The following NR2F1-AS1 variants were observed in gnomAD, a reference collection of about 807,000 sequenced individuals.
NR2F1-AS1 encodes NR2F1 regulatory antisense RNA 1.
At chr5:93,485,412 T>G (rs990934783) in intron 4 of NR2F1-AS1, among the ~76,000 whole-genome samples, 1 of 152,040 alleles carries the variant, frequency 6.6e-6, no homozygotes, top group African/African-American at 2.4e-5. Flanking sequence ...TTGAAACCAA[T>G]GAGAACAAAG....
At chr5:93,521,658 A>G (rs932495911) in intron 4 of NR2F1-AS1, among the ~76,000 whole-genome samples, 14 of 152,212 alleles carry the variant, frequency 9.2e-5, no homozygotes, top group South Asian at 4.1e-4. Flanking sequence ...CAAAACCACA[A>G]TGAGATCCCA....
chr5:93,483,462 C>A (rs1238450913), intron 4 of NR2F1-AS1, among the ~76,000 whole-genome samples: 2 of 152,096 alleles, frequency 1.3e-5, no homozygotes, highest in Admixed American at 1.3e-4. Context: ...CATCAAAGAC[C>A]AACAGCAGAT....
Position 93,546,153 on chromosome 5 carries a change from T to C in NR2F1-AS1, n.638+7608A>G, listed in dbSNP as rs958557319. ...TGAATACAGGAATCAGAGAGAAGGT[T>C]TGTAAGGTATCTAGCATATAAGAAG... On this transcript the variant is annotated intron_variant and non_coding_transcript_variant, in intron 4 of 5. Transcript: ENST00000660523. Among the ~76,000 whole-genome samples the C allele has an allele frequency of 8.5e-5, 13 of 152,192 alleles. 1 individual carries two copies. Among genetic ancestry groups the C allele is most frequent in the Admixed American group, 7.9e-4 (12 of 15,274 alleles).
intron 4 of NR2F1-AS1, among the ~76,000 whole-genome samples, chr5:93,412,964 T>C (rs1407550507): frequency 6.6e-6 from 1 of 151,922 alleles, no homozygotes. Flanking sequence ...CAGTCCCTAA[T>C]ACACCTAATC....
intron 4 of NR2F1-AS1, among the ~76,000 whole-genome samples, chr5:93,549,785 T>TA (rs1160248238): frequency 3.9e-5 from 6 of 152,046 alleles, no homozygotes; most frequent in Middle Eastern, 3.4e-3. Flanking sequence ...TATGCAGCCA[T>TA]AAAAAAGGAT....
At chr5:93,450,914 C>CAAAAAAAAAAAAA (rs60895927) in intron 4 of NR2F1-AS1, among the ~76,000 whole-genome samples, 1 of 54,044 alleles carries the variant, frequency 1.9e-5, no homozygotes, top group African/African-American at 5.3e-5. Flanking sequence ...GAATCTGCTT[C>CAAAAAAAAAAAAA]AAAAAAAAAA....
chr5:93,478,296 T>C (rs1415454209), intron 4 of NR2F1-AS1, among the ~76,000 whole-genome samples: 2 of 152,234 alleles, frequency 1.3e-5, no homozygotes, highest in African/African-American at 4.8e-5. Flanking sequence ...AATCTCAGGA[T>C]GGCAATCAAC....
intron 4 of NR2F1-AS1, among the ~76,000 whole-genome samples, chr5:93,537,414 G>T (rs1449515533): frequency 6.6e-6 from 1 of 151,926 alleles, no homozygotes; most frequent in African/African-American, 2.4e-5. Context: ...TTTGCATATT[G>T]TACCTCTGAC....
chr5:93,450,394 T>C (rs879698808), intron 4 of NR2F1-AS1, among the ~76,000 whole-genome samples: 1 of 152,210 alleles, frequency 6.6e-6, no homozygotes, highest in Non-Finnish European at 1.5e-5. Context: ...TATAACATTT[T>C]GAAACACTCT....
chr5:93,453,998 T>TG (rs1394881511), intron 4 of NR2F1-AS1, among the ~76,000 whole-genome samples: 1 of 152,206 alleles, frequency 6.6e-6, no homozygotes, highest in African/African-American at 2.4e-5. Flanking sequence ...ATAAAGGTAC[T>TG]GGGTGCAGTG....
rs186532130 is a variant in NR2F1-AS1 at position 93,578,298 on chromosome 5, C to G, written n.313+2169G>C. On this transcript the variant is annotated intron_variant and non_coding_transcript_variant, in intron 1 of 5. Coordinates refer to ENST00000660523, the Ensembl canonical transcript of NR2F1-AS1. ...GCTTTGTCTGGTATGTCTTTTAAAACGTGATTAACGCTGAGCTTGATGCTA... is the reference window on the plus strand; with the variant it reads ...GCTTTGTCTGGTATGTCTTTTAAAAGGTGATTAACGCTGAGCTTGATGCTA... Among the ~76,000 whole-genome samples, 358 of 152,298 alleles carry G rather than the reference C, an allele frequency of 2.4e-3. 3 individuals are homozygous for G. Among genetic ancestry groups the G allele is most frequent in the African/African-American group, 8.3e-3 (343 of 41,552 alleles).
At chr5:93,511,675 G>A (rs1028439044) in intron 4 of NR2F1-AS1, among the ~76,000 whole-genome samples, 18 of 152,168 alleles carry the variant, frequency 1.2e-4, no homozygotes, top group Non-Finnish European at 1.5e-5. Context: ...TCACCTGTTA[G>A]GAACTGGGCC....
intron 4 of NR2F1-AS1, among the ~76,000 whole-genome samples, chr5:93,461,590 T>C (rs1257808404): frequency 6.6e-6 from 1 of 152,202 alleles, no homozygotes; most frequent in Non-Finnish European, 1.5e-5. Context: ...GTATAATCCT[T>C]GAACATCTGA....
intron 2 of NR2F1-AS1, among the ~76,000 whole-genome samples, chr5:93,561,257 C>A (rs1406039585): frequency 1.4e-5 from 2 of 148,110 alleles, no homozygotes; most frequent in Non-Finnish European, 2.9e-5. Flanking sequence ...AACTCCATCT[C>A]CAAAAAAAAA....
intron 1 of NR2F1-AS1, among the ~76,000 whole-genome samples, chr5:93,568,642 C>T (rs937923430): frequency 1.3e-5 from 2 of 152,124 alleles, no homozygotes; most frequent in African/African-American, 2.4e-5. Flanking sequence ...TAAATAAATG[C>T]TAACTACTCA....
intron 4 of NR2F1-AS1, among the ~76,000 whole-genome samples, chr5:93,451,557 C>T (rs771460268): frequency 1.3e-5 from 2 of 151,990 alleles, no homozygotes; most frequent in East Asian, 3.9e-4. Flanking sequence ...CATGTACCAC[C>T]ACGCCTGGCT....
chr5:93,431,506 T>G (rs1749324110), intron 4 of NR2F1-AS1, among the ~76,000 whole-genome samples: 1 of 152,186 alleles, frequency 6.6e-6, no homozygotes, highest in Non-Finnish European at 1.5e-5. Flanking sequence ...TTTGTCTAGT[T>G]AGAGAAATTT....
intron 4 of NR2F1-AS1, among the ~76,000 whole-genome samples, chr5:93,488,788 C>T (rs141283813): frequency 0.029 from 4,483 of 152,262 alleles, 214 homozygotes; most frequent in African/African-American, 0.1. Flanking sequence ...AATATAAAGA[C>T]ACATGCACAC....
chr5:93,552,671 C>CAA (rs774291890), intron 4 of NR2F1-AS1, among the ~76,000 whole-genome samples: 2 of 61,738 alleles, frequency 3.2e-5, no homozygotes, highest in Admixed American at 1.8e-4. Context: ...ATAACAATTA[C>CAA]AAAAAAAAAA....
Sources: allele counts gnomAD v4.1 joint callset (sites outside exome capture counted in the v4.1 genomes callset), GRCh38; gene constraint gnomAD v4.1.1; transcripts MANE v1.5; gene names NCBI Gene and HGNC (gene_info 2026-07-23, HGNC 2026-07-21).